The following VPS13B variants were observed in gnomAD, a reference collection of about 807,000 sequenced individuals.
VPS13B encodes the protein vacuolar protein sorting 13 homolog B.
A neutral mutation model predicts 426.4 loss-of-function variants in VPS13B; 285 were observed. That is an observed-to-expected ratio of 0.67 (90% confidence interval 0.61 to 0.74). The LOEUF (loss-of-function observed/expected upper bound fraction) is 0.74, where lower values mean the gene tolerates loss of function less well. Ranked by LOEUF, VPS13B falls within the 30% of genes least tolerant of loss-of-function variation. The probability of loss-of-function intolerance (pLI) is 0.00; values close to 1 mark genes in which losing one functional copy is unlikely to be tolerated. For missense variants in VPS13B, 4,537 were observed against 4,782.6 expected, an observed-to-expected ratio of 0.95 and a Z score of 1.51; for synonymous variants, 1,676 against 1,676.4, an observed-to-expected ratio of 1.00 and a Z score of 0.01.
At chr8:99,764,409 C>CTTTT (rs1009917177) in intron 39 of VPS13B, among the ~76,000 whole-genome samples, 37 of 111,690 alleles carry the variant, frequency 3.3e-4, no homozygotes, top group African/African-American at 4.3e-4. Flanking sequence ...GAGAGAGATT[C>CTTTT]TTTTTTTTTT....
At chr8:99,428,560 A>C (rs1816875213) in intron 21 of VPS13B, among the ~76,000 whole-genome samples, 1 of 152,208 alleles carries the variant, frequency 6.6e-6, no homozygotes, top group African/African-American at 2.4e-5. Flanking sequence ...CCATCAGAGA[A>C]ATGCAAATCA....
chr8:99,136,163 T>C (rs1335526726), intron 11 of VPS13B, among the ~76,000 whole-genome samples: 1 of 152,116 alleles, frequency 6.6e-6, no homozygotes, highest in Non-Finnish European at 1.5e-5. Flanking sequence ...GATAATTACC[T>C]GAAGATTAAT....
rs386834110 is a variant in VPS13B, at chr8:99,809,477, C to T, written c.8044C>T (p.Arg2682Ter). ...TFIRTIQYRG[R>*]TASLIIKVQQ... is the part of the protein sequence containing the mutation. ...TATTAGAACAATTCAGTACAGGGGT[C>T]GAACTGCTTCTCTCATCATCAAGGT... Residue 2682 changes from arginine (R) to a stop codon, truncating the protein, a stop_gained, in exon 44 of 62, where the codon CGA (arginine) becomes TGA (stop). Coordinates refer to ENST00000357162, the MANE Select transcript of VPS13B (RefSeq NM_152564.5). LOFTEE classifies it high-confidence loss of function. 5.6e-6 allele frequency: 9 copies of T among 1,613,812 alleles called. No individual in the cohort carries two copies. The highest frequency in any genetic ancestry group is 1.1e-5 in the South Asian group (1 of 91,074).
chr8:99,767,945 C>T (rs1410538353), intron 40 of VPS13B, among the ~76,000 whole-genome samples: 2 of 152,098 alleles, frequency 1.3e-5, no homozygotes, highest in Non-Finnish European at 2.9e-5. Flanking sequence ...CAAAAAAAAT[C>T]TCTAGACCAG....
rs893228448 is a variant in VPS13B, at chr8:99,459,336, A to T, written c.3446-8078A>T. Among the ~76,000 whole-genome samples the T allele has an allele frequency of 1.2e-4, 19 of 152,254 alleles. No homozygotes were observed. In the East Asian group the frequency reaches 3.1e-3, roughly 25 times the overall value. ...GGAGAGCAGGGTATTGAAATCTTCA[A>T]GTGTTATTTTTTAGTTGTCTATTTT... is the stretch of plus-strand genomic sequence containing the variant. On this transcript the variant is annotated intron_variant, in intron 23 of 61. Coordinates refer to ENST00000357162, the MANE Select transcript of VPS13B (RefSeq NM_152564.5).
At chr8:99,376,549 T>C (rs1326417185) in intron 19 of VPS13B, among the ~76,000 whole-genome samples, 2 of 152,164 alleles carry the variant, frequency 1.3e-5, no homozygotes, top group Non-Finnish European at 2.9e-5. Context: ...GACCTTCAAG[T>C]TTAATTTTCC....
At chr8:99,318,768 G>A (rs935984227) in intron 19 of VPS13B, among the ~76,000 whole-genome samples, 1 of 152,070 alleles carries the variant, frequency 6.6e-6, no homozygotes, top group African/African-American at 2.4e-5. Flanking sequence ...TGATCCACCT[G>A]CCTCAGCCTC....
At chr8:99,337,532 G>C (rs1203241369) in intron 19 of VPS13B, among the ~76,000 whole-genome samples, 1 of 143,488 alleles carries the variant, frequency 7.0e-6, no homozygotes, top group South Asian at 2.2e-4. Context: ...TTCCTAAGGG[G>C]AAAAAAAAAA....
At chr8:99,360,312 C>T (rs1812491668) in intron 19 of VPS13B, among the ~76,000 whole-genome samples, 1 of 148,818 alleles carries the variant, frequency 6.7e-6, no homozygotes, top group African/African-American at 2.5e-5. Flanking sequence ...GAGTCTCACT[C>T]TGTCACCCAG....
chr8:99,610,587 G>C (rs543198306), intron 33 of VPS13B, among the ~76,000 whole-genome samples: 12 of 150,914 alleles, frequency 8.0e-5, no homozygotes, highest in Admixed American at 7.3e-4. Context: ...GGGCCTGTCA[G>C]GGGGTGGGGG....
At chr8:99,465,972 A>G (rs553990317) in intron 23 of VPS13B, among the ~76,000 whole-genome samples, 1 of 152,186 alleles carries the variant, frequency 6.6e-6, no homozygotes, top group Admixed American at 6.5e-5. Flanking sequence ...GACATTTTTA[A>G]TGTTCAAACT....
intron 12 of VPS13B, among the ~76,000 whole-genome samples, chr8:99,140,658 C>T (rs577133255): frequency 7.2e-6 from 1 of 139,734 alleles, no homozygotes; most frequent in South Asian, 2.4e-4. Context: ...CCTTCCTCCC[C>T]CTCCTCCCCG....
intron 25 of VPS13B, among the ~76,000 whole-genome samples, chr8:99,483,643 A>G (rs1373614462): frequency 1.3e-5 from 2 of 152,210 alleles, no homozygotes; most frequent in East Asian, 3.8e-4. Flanking sequence ...GAGACATTTT[A>G]GTGGCTGAAA....
chr8:99,202,761 G>A (rs190083110), intron 17 of VPS13B, among the ~76,000 whole-genome samples: 1 of 152,256 alleles, frequency 6.6e-6, no homozygotes, highest in African/African-American at 2.4e-5. Flanking sequence ...TGGGCGTGGT[G>A]GCTCATGCCT....
chr8:99,418,656 C>T lies in VPS13B; in HGVS notation c.3083-12881C>T, dbSNP rs535286197. Among the ~76,000 whole-genome samples the T allele has an allele frequency of 4.6e-4, 70 of 152,154 alleles. No homozygotes were observed. In the East Asian group the frequency reaches 0.011, roughly 24 times the overall value. Reference sequence around the variant, plus strand: ...CTCCACCTCCCAGGTTCAAGTGGTTCTCCTGCCTCAGCCTCCAGAGTAGCT... The same window carrying T: ...CTCCACCTCCCAGGTTCAAGTGGTTTTCCTGCCTCAGCCTCCAGAGTAGCT... On this transcript the variant is annotated intron_variant, in intron 21 of 61. Coordinates refer to ENST00000357162, the MANE Select transcript of VPS13B (RefSeq NM_152564.5).
At chr8:99,670,572 T>A (rs1207665203) in intron 35 of VPS13B, among the ~76,000 whole-genome samples, 2 of 152,072 alleles carry the variant, frequency 1.3e-5, no homozygotes, top group Non-Finnish European at 2.9e-5. Context: ...TGCTGTAGAT[T>A]AGATCTCCAG....
intron 31 of VPS13B, among the ~76,000 whole-genome samples, chr8:99,562,373 T>C (rs1307635143): frequency 6.8e-6 from 1 of 147,646 alleles, no homozygotes; most frequent in Non-Finnish European, 1.5e-5. Flanking sequence ...CTCTGCCTCC[T>C]GGGTTCAACC....
chr8:99,295,402 T>G (rs1436543405), intron 19 of VPS13B, among the ~76,000 whole-genome samples: 1 of 152,218 alleles, frequency 6.6e-6, no homozygotes, highest in Non-Finnish European at 1.5e-5. Flanking sequence ...GGTCAGAAAC[T>G]GTGTTCAAAT....
At chr8:99,557,151 A>C (rs2133766273) in intron 31 of VPS13B, among the ~76,000 whole-genome samples, 1 of 151,996 alleles carries the variant, frequency 6.6e-6, no homozygotes. Context: ...AATTTTTTTT[A>C]TTTCAATAGT....
Sources: allele counts gnomAD v4.1 joint callset (sites outside exome capture counted in the v4.1 genomes callset), GRCh38; gene constraint gnomAD v4.1.1; transcripts MANE v1.5; gene names NCBI Gene and HGNC (gene_info 2026-07-23, HGNC 2026-07-21).